GRIP1: variants seen among roughly 807,000 people sequenced by gnomAD.
GRIP1 encodes glutamate receptor interacting protein 1, also known as glutamate receptor-interacting protein 1.
Under a neutral mutation model 129.9 loss-of-function variants are expected in GRIP1, and 45 were observed. The observed-to-expected ratio is 0.35, with a 90% CI of 0.27 to 0.44. GRIP1 has a LOEUF of 0.44. Among genes scored for constraint, GRIP1 ranks in the 20% least tolerant of loss-of-function variants. The pLI, the probability that GRIP1 is intolerant of heterozygous loss-of-function variation, is 1.00. For missense variants in GRIP1, 1,196 were observed against 1,396.8 expected, an observed-to-expected ratio of 0.86 and a Z score of 2.29; for synonymous variants, 530 against 520.8, an observed-to-expected ratio of 1.02 and a Z score of -0.24.
intron 1 of GRIP1, among the ~76,000 whole-genome samples, chr12:67,049,343 T>A (rs532073133): frequency 6.6e-6 from 1 of 152,144 alleles, no homozygotes; most frequent in South Asian, 2.1e-4. Flanking sequence ...AGACTTAGCT[T>A]ATTTTGGCAC....
intron 1 of GRIP1, among the ~76,000 whole-genome samples, chr12:66,991,794 A>G (rs7958160): frequency 0.41 from 62,660 of 152,100 alleles, 13,832 homozygotes; most frequent in Non-Finnish European, 0.48. Flanking sequence ...ATAGTAAACT[A>G]TATCAGTGAA....
At chr12:66,821,520 T>C (rs552263501) in intron 1 of GRIP1, among the ~76,000 whole-genome samples, 13 of 152,124 alleles carry the variant, frequency 8.5e-5, no homozygotes, top group Non-Finnish European at 1.5e-4. Flanking sequence ...TAGCTTAGGT[T>C]GAGAAAAGGT....
Position 67,014,808 on chromosome 12 carries a change from T to C in GRIP1, c.58+54242A>G, listed in dbSNP as rs1401041419. 2.0e-5 allele frequency among the ~76,000 whole-genome samples: 3 copies of C among 152,172 alleles called. No individual in the cohort carries two copies. The East Asian group carries it at 5.8e-4, about 29-fold the overall frequency. The stretch of plus-strand genomic sequence containing the variant: ...CTGTTTTTCTAAAGATACCTATAAA[T>C]ATGCAGTAGGTAACTATTCTGCTGA... On this transcript the variant is annotated intron_variant, in intron 1 of 1. Coordinates refer to the GRIP1 transcript ENST00000643019.
At position 66,858,147 on chromosome 12, in the gene GRIP1, G is replaced by A. The variant is rs368094584; in HGVS notation, c.58+210903C>T. Reference sequence around the variant, plus strand: ...CAGTACTATGAAGTTATTCAGCATGGTAAAGGAATAGATATTCTCCATAAT... The same window carrying A: ...CAGTACTATGAAGTTATTCAGCATGATAAAGGAATAGATATTCTCCATAAT... On this transcript the variant is annotated intron_variant, in intron 1 of 1. Transcript: ENST00000643019. 8.6e-5 allele frequency among the ~76,000 whole-genome samples: 13 copies of A among 152,036 alleles called. No homozygotes were observed. The East Asian group carries it at 2.3e-3, about 27-fold the overall frequency.
At chr12:66,710,963 A>T (rs1272717026) in intron 1 of GRIP1, among the ~76,000 whole-genome samples, 2 of 151,866 alleles carry the variant, frequency 1.3e-5, no homozygotes, top group East Asian at 1.9e-4. Context: ...AAAATACTAG[A>T]TAATATGGTA....
chr12:66,486,538 C>G (rs142001878), intron 7 of GRIP1, among the ~76,000 whole-genome samples: 1 of 152,246 alleles, frequency 6.6e-6, no homozygotes, highest in African/African-American at 2.4e-5. Flanking sequence ...GAATAAGTCT[C>G]ATGAGATCTG....
chr12:66,792,035 G>C (rs1344136625), intron 1 of GRIP1, among the ~76,000 whole-genome samples: 2 of 152,114 alleles, frequency 1.3e-5, no homozygotes, highest in South Asian at 2.1e-4. Flanking sequence ...ATGAGAAAGA[G>C]GTGGGAAAAT....
intron 1 of GRIP1, among the ~76,000 whole-genome samples, chr12:67,027,343 T>C (rs2042954991): frequency 1.3e-5 from 2 of 152,184 alleles, no homozygotes; most frequent in African/African-American, 2.4e-5. Flanking sequence ...CTTGTGATAG[T>C]TGTCTGTGCA....
intron 1 of GRIP1, among the ~76,000 whole-genome samples, chr12:66,833,034 C>A (rs2039546300): frequency 6.6e-6 from 1 of 152,272 alleles, no homozygotes; most frequent in Non-Finnish European, 1.5e-5. Flanking sequence ...TGGAACCTAC[C>A]AACTTAGGGC....
At chr12:67,056,414 A>G (rs75399639) in intron 1 of GRIP1, among the ~76,000 whole-genome samples, 16,354 of 152,256 alleles carry the variant, frequency 0.11, 944 homozygotes, top group East Asian at 0.12. Flanking sequence ...GCACCTACAC[A>G]TGTCCTCTCC....
intron 1 of GRIP1, among the ~76,000 whole-genome samples, chr12:66,979,233 A>ACAACAAC (rs1379691279): frequency 3.0e-5 from 3 of 100,138 alleles, no homozygotes; most frequent in African/African-American, 1.3e-4. Context: ...AAAAAAAAAA[A>ACAACAAC]AAAAAAAAAA....
chr12:66,556,891 A>G (rs894214918), intron 2 of GRIP1, among the ~76,000 whole-genome samples: 1 of 152,056 alleles, frequency 6.6e-6, no homozygotes, highest in Non-Finnish European at 1.5e-5. Flanking sequence ...CACTAAAAGG[A>G]AGACAGGAAG....
intron 7 of GRIP1, among the ~76,000 whole-genome samples, chr12:66,498,456 A>G (rs992098438): frequency 2.0e-5 from 3 of 152,216 alleles, no homozygotes; most frequent in Non-Finnish European, 4.4e-5. Context: ...AATCAGGCAT[A>G]ACAGTTTGAA....
At chr12:66,588,642 C>T (rs920224170) in intron 2 of GRIP1, among the ~76,000 whole-genome samples, 3 of 152,074 alleles carry the variant, frequency 2.0e-5, no homozygotes, top group Non-Finnish European at 4.4e-5. Context: ...TTTTCTAGCC[C>T]TGTAATTTTA....
At chr12:66,809,710 A>C (rs536942297) in intron 1 of GRIP1, among the ~76,000 whole-genome samples, 28 of 149,566 alleles carry the variant, frequency 1.9e-4, no homozygotes, top group African/African-American at 6.4e-4. Context: ...CCCAGGCTGG[A>C]GTCCAGTGGT....
intron 1 of GRIP1, among the ~76,000 whole-genome samples, chr12:67,031,374 T>G (rs2043019411): frequency 2.0e-5 from 3 of 152,184 alleles, no homozygotes. Context: ...CACTGACTTC[T>G]CTTCCTCTTT....
At chr12:66,383,544 AACATTGGGCATGTC>A (rs1356109742) in intron 19 of GRIP1, among the ~76,000 whole-genome samples, 1 of 152,188 alleles carries the variant, frequency 6.6e-6, no homozygotes, top group Non-Finnish European at 1.5e-5. Context: ...TTTGGAAAAG[AACATTGGGCATGTC>A]ACTCAGCCCA....
intron 11 of GRIP1, among the ~76,000 whole-genome samples, chr12:66,450,406 C>G (rs2058757644): frequency 7.0e-6 from 1 of 143,300 alleles, no homozygotes; most frequent in African/African-American, 2.6e-5. Context: ...GAAGCCTTCT[C>G]AAAGGAAAGA....
At chr12:67,061,790 A>G (rs1481210266) in intron 1 of GRIP1, among the ~76,000 whole-genome samples, 1 of 152,164 alleles carries the variant, frequency 6.6e-6, no homozygotes, top group Non-Finnish European at 1.5e-5. Flanking sequence ...GTAGTCCATC[A>G]CTTTGGTGGT....
Sources: allele counts gnomAD v4.1 joint callset (sites outside exome capture counted in the v4.1 genomes callset), GRCh38; gene constraint gnomAD v4.1.1; transcripts MANE v1.5; gene names NCBI Gene and HGNC (gene_info 2026-07-23, HGNC 2026-07-21).